Variants in TMEM74 observed in about 807,000 individuals in gnomAD.
The protein encoded by TMEM74 is transmembrane protein 74.
Under a neutral mutation model 18.1 loss-of-function variants are expected in TMEM74, and 13 were observed. That is an observed-to-expected ratio of 0.72 (90% CI 0.47 to 1.14). The LOEUF (loss-of-function observed/expected upper bound fraction) is 1.14. Among genes scored for constraint, TMEM74 ranks in the 50% most tolerant of loss-of-function variants. The probability of loss-of-function intolerance (pLI) is 0.00; values close to 1 mark genes in which losing one functional copy is unlikely to be tolerated. For synonymous variants in TMEM74, 159 were observed against 146.6 expected (o/e 1.08, Z -0.61); for missense variants, 372 against 375.9 (o/e 0.99, Z 0.09).
chr8:108,700,860 C>G (rs1035172622), intron 1 of TMEM74, among the ~76,000 whole-genome samples: 1 of 152,106 alleles, frequency 6.6e-6, no homozygotes, highest in Admixed American at 6.5e-5. Flanking sequence ...AACTCCTGAG[C>G]TAATGGGCTT....
Position 108,737,298 on chromosome 8 carries a change from T to C in TMEM74, n.119+50178A>G, listed in dbSNP as rs570070471. On this transcript the variant is annotated intron_variant and non_coding_transcript_variant, in intron 1 of 3. Coordinates refer to the TMEM74 transcript ENST00000518838. ...TATGTATAAAGTGCATGGGATGAAG[T>C]TTCTTCTTGTTCCTTTATTTCCTTT... 3.9e-5 allele frequency among the ~76,000 whole-genome samples: 6 copies of C among 152,262 alleles called. No homozygotes were observed. The South Asian group carries it at 1.2e-3, about 32-fold the overall frequency.
intron 1 of TMEM74, among the ~76,000 whole-genome samples, chr8:108,724,396 T>C (rs899922704): frequency 6.6e-6 from 1 of 152,166 alleles, no homozygotes; most frequent in Non-Finnish European, 1.5e-5. Flanking sequence ...AGCTATTACA[T>C]AAATGTTATG....
downstream of TMEM74, among the ~76,000 whole-genome samples, chr8:108,774,410 A>G (rs1197116011): frequency 1.3e-5 from 2 of 152,188 alleles, no homozygotes; most frequent in Admixed American, 1.3e-4. Flanking sequence ...TAACAGCCTA[A>G]GGTTCTCAAT....
intron 1 of TMEM74, among the ~76,000 whole-genome samples, chr8:108,683,438 A>G (rs1586259538): frequency 6.6e-6 from 1 of 151,854 alleles, no homozygotes; most frequent in East Asian, 1.9e-4. Context: ...ATGATCAAAC[A>G]AGTTTTATTC....
At chr8:108,731,532 G>A (rs60276752) in intron 1 of TMEM74, among the ~76,000 whole-genome samples, 5,439 of 152,096 alleles carry the variant, frequency 0.036, 330 homozygotes, top group African/African-American at 0.12. Context: ...AATTTCTTCC[G>A]TAGGACACAC....
At chr8:108,614,381 T>C (rs1812363475) in intron 2 of TMEM74, among the ~76,000 whole-genome samples, 1 of 152,166 alleles carries the variant, frequency 6.6e-6, no homozygotes, top group South Asian at 2.1e-4. Context: ...ATTTTTTAGC[T>C]TAATTTTAAG....
chr8:108,608,457 A>G (rs1031746095), intron 3 of TMEM74, among the ~76,000 whole-genome samples: 1 of 152,210 alleles, frequency 6.6e-6, no homozygotes, highest in East Asian at 1.9e-4. Flanking sequence ...GAGAGTATTC[A>G]TCTCTCGTTT....
chr8:108,706,227 A>G (rs1813394984), intron 1 of TMEM74, among the ~76,000 whole-genome samples: 2 of 152,256 alleles, frequency 1.3e-5, no homozygotes, highest in South Asian at 4.1e-4. Context: ...AATATTTCTA[A>G]TAACTACGTT....
At chr8:108,736,050 C>T (rs1246405775) in intron 1 of TMEM74, among the ~76,000 whole-genome samples, 4 of 151,784 alleles carry the variant, frequency 2.6e-5, no homozygotes, top group African/African-American at 4.8e-5. Flanking sequence ...GCATTTTCTG[C>T]TTTTAAACAA....
At chr8:108,703,039 A>G (rs1371251457) in intron 1 of TMEM74, among the ~76,000 whole-genome samples, 2 of 152,118 alleles carry the variant, frequency 1.3e-5, no homozygotes, top group Non-Finnish European at 2.9e-5. Context: ...CTCTGCAGCT[A>G]GTCAGCAGTG....
At chr8:108,775,740 C>T (rs1305914618), downstream of TMEM74, among the ~76,000 whole-genome samples, 1 of 152,148 alleles carries the variant, frequency 6.6e-6, no homozygotes, top group African/African-American at 2.4e-5. Context: ...CTCTGTCTCT[C>T]CTAGCCCCCT....
At chr8:108,644,223 G>C (rs902127479) in intron 2 of TMEM74, among the ~76,000 whole-genome samples, 5 of 152,048 alleles carry the variant, frequency 3.3e-5, no homozygotes, top group African/African-American at 1.2e-4. Flanking sequence ...GTCGATCCTT[G>C]ACAAGGTCGA....
intron 2 of TMEM74, among the ~76,000 whole-genome samples, chr8:108,625,657 A>G (rs1221381723): frequency 6.6e-6 from 1 of 151,978 alleles, no homozygotes; most frequent in African/African-American, 2.4e-5. Context: ...TATCAAATAT[A>G]TATCATTTAA....
At chr8:108,659,743 C>A (rs1812881329) in intron 1 of TMEM74, among the ~76,000 whole-genome samples, 1 of 152,128 alleles carries the variant, frequency 6.6e-6, no homozygotes, top group Non-Finnish European at 1.5e-5. Context: ...CCAGATACCC[C>A]TCAAGGAGGA....
intron 1 of TMEM74, 149 bp downstream of exon 1, chr8:108,787,327 C>T (rs992129074): frequency 1.3e-5 from 2 of 152,162 alleles, no homozygotes; most frequent in East Asian, 3.9e-4. Context: ...AACTCTGCGC[C>T]CACTGAGGCA....
intron 1 of TMEM74, among the ~76,000 whole-genome samples, chr8:108,765,010 T>A (rs1814087734): frequency 6.6e-6 from 1 of 152,114 alleles, no homozygotes; most frequent in South Asian, 2.1e-4. Context: ...GGCCTTCTAG[T>A]CTCTTCCCCT....
At chr8:108,736,041 C>T (rs1265483054) in intron 1 of TMEM74, among the ~76,000 whole-genome samples, 1 of 151,926 alleles carries the variant, frequency 6.6e-6, no homozygotes, top group Non-Finnish European at 1.5e-5. Context: ...TTAATCCAAG[C>T]ATTTTCTGCT....
intron 2 of TMEM74, among the ~76,000 whole-genome samples, chr8:108,632,896 T>C (rs1812569191): frequency 6.6e-6 from 1 of 152,002 alleles, no homozygotes. Context: ...GTAGAACATG[T>C]TCTTCTAGTT....
chr8:108,666,922 T>G (rs1415511515), intron 1 of TMEM74, among the ~76,000 whole-genome samples: 1 of 152,138 alleles, frequency 6.6e-6, no homozygotes, highest in East Asian at 1.9e-4. Context: ...TCTGATGATT[T>G]TTGTTCAAAC....
Sources: allele counts gnomAD v4.1 joint callset (sites outside exome capture counted in the v4.1 genomes callset), GRCh38; gene constraint gnomAD v4.1.1; transcripts MANE v1.5; gene names NCBI Gene and HGNC (gene_info 2026-07-23, HGNC 2026-07-21).